Variants in WDTC1 observed in about 807,000 individuals in gnomAD.
The protein encoded by WDTC1 is WD and tetratricopeptide repeats protein 1.
In WDTC1, 12 loss-of-function variants were observed where a neutral mutation model predicts 76.0. The observed-to-expected ratio is 0.16, with a 90% CI of 0.10 to 0.26. WDTC1 has a LOEUF of 0.26. Among genes scored for constraint, WDTC1 ranks in the 10% least tolerant of loss-of-function variants. WDTC1 has a pLI of 1.00. For missense variants in WDTC1, 511 were observed against 908.8 expected (o/e 0.56, Z 5.63); for synonymous variants, 326 against 350.8 (o/e 0.93, Z 0.79).
chr1:27,254,845 T>G (rs779457983), intron 1 of WDTC1, among the ~76,000 whole-genome samples: 11 of 152,114 alleles, frequency 7.2e-5, no homozygotes, highest in Non-Finnish European at 1.3e-4. Flanking sequence ...CATGTTGGCC[T>G]TGAACTCCTG....
chr1:27,238,300 G>A (rs1044156692), intron 1 of WDTC1, among the ~76,000 whole-genome samples: 1 of 152,180 alleles, frequency 6.6e-6, no homozygotes, highest in Non-Finnish European at 1.5e-5. Flanking sequence ...TTGTCATGGG[G>A]AAAGGAAACT....
chr1:27,234,779 C>G lies in WDTC1; in HGVS notation c.-272C>G, dbSNP rs1456604539. ...CGCAGGGGCGGGCGGAGGCGCTGTC[C>G]GGCCCCGGCCAGGCGCCGGGCGGGG... On this transcript the variant is annotated 5_prime_UTR_variant, in exon 1 of 16. Coordinates refer to ENST00000319394, the MANE Select transcript of WDTC1 (RefSeq NM_001276252.2). 2.5e-6 allele frequency: 1 copy of G among 398,000 alleles called. No individual in the cohort carries two copies. Among genetic ancestry groups the G allele is most frequent in the Non-Finnish European group, 4.4e-6 (1 of 226,024 alleles). 24.7% of individuals were successfully genotyped at this position (398,000 alleles called of 1,614,324 possible).
intron 1 of WDTC1, among the ~76,000 whole-genome samples, chr1:27,248,735 C>T (rs1293804279): frequency 4.6e-5 from 7 of 152,174 alleles, no homozygotes; most frequent in Admixed American, 4.6e-4. Context: ...TCTTGGCTCA[C>T]TGTAGCCGAA....
chr1:27,303,820 G>A lies in WDTC1; in HGVS notation c.1643+25G>A, dbSNP rs369086282. Reference sequence around the variant, plus strand: ...GGTCCGAGGCCCTGAAGAGGAGGGTGCAGCCCAGTTGGCAGCGGGAGGTTG... The same window carrying A: ...GGTCCGAGGCCCTGAAGAGGAGGGTACAGCCCAGTTGGCAGCGGGAGGTTG... On this transcript the variant is annotated intron_variant, in intron 14 of 15. Transcript: ENST00000319394. The surrounding 1 kb of genome is among the most constrained non-coding windows in gnomAD (Gnocchi z 4.8). The A allele has an allele frequency of 6.6e-5, 107 of 1,612,066 alleles. No homozygotes were observed. Among genetic ancestry groups the A allele is most frequent in the Admixed American group, 8.4e-5 (5 of 59,464 alleles).
intron 3 of WDTC1, among the ~76,000 whole-genome samples, chr1:27,273,184 T>C (rs1277569554): frequency 6.7e-6 from 1 of 149,198 alleles, no homozygotes; most frequent in Non-Finnish European, 1.5e-5. Context: ...AAACAGAAAA[T>C]GACTAATTTT....
At position 27,294,620 on chromosome 1, in the gene WDTC1, G is replaced by C. The variant is rs1486035430; in HGVS notation, c.864G>C (p.Gly288=). The C allele has an allele frequency of 1.9e-6, 3 of 1,613,922 alleles. No homozygotes were observed. Among genetic ancestry groups the C allele is most frequent in the Admixed American group, 1.7e-5 (1 of 60,008 alleles). The change falls in exon 9 of 16, where the codon GGG becomes GGC. Residue 288 remains glycine (G), a synonymous_variant. Transcript: ENST00000319394. ...GCACAGAGCTACTAGTCAACATGGG[G>C]GGGGAACAGGTATGTACAGCATAAG... ...PNGTELLVNM[G]GEQVYLFDLT...
At chr1:27,282,846 T>C (rs551548028) in intron 4 of WDTC1, among the ~76,000 whole-genome samples, 4 of 151,650 alleles carry the variant, frequency 2.6e-5, no homozygotes, top group African/African-American at 9.7e-5. Flanking sequence ...TTAAGAATGA[T>C]AGAAATTTCT....
At chr1:27,258,551 AG>A (rs2012365489) in intron 1 of WDTC1, among the ~76,000 whole-genome samples, 3 of 151,858 alleles carry the variant, frequency 2.0e-5, no homozygotes, top group South Asian at 4.2e-4. Flanking sequence ...AGAAAAAAAA[AG>A]AAAAGAAAGG....
Position 27,306,549 on chromosome 1 carries a change from T to C in WDTC1, c.*166T>C. ...AGGGGTGGAGGTTGCTACAACTTGC[T>C]GGCTTTCGGACTCTGGGCTGATTGT... is the stretch of plus-strand genomic sequence containing the variant. On this transcript the variant is annotated 3_prime_UTR_variant, in exon 16 of 16. Transcript: ENST00000319394. The surrounding 1 kb of genome is among the most constrained non-coding windows in gnomAD (Gnocchi z 5.0). 3.5e-6 allele frequency: 3 copies of C among 861,308 alleles called. No homozygotes were observed. The highest frequency in any genetic ancestry group is 1.8e-5 in the South Asian group (1 of 55,472). The allele number at this position is 861,308 out of a possible 1,614,324, so 53.4% of individuals were successfully genotyped here.
intron 1 of WDTC1, among the ~76,000 whole-genome samples, chr1:27,259,322 AC>A (rs1182921741): frequency 2.3e-5 from 3 of 129,832 alleles, no homozygotes; most frequent in Non-Finnish European, 3.2e-5. Flanking sequence ...ACCATGCCCA[AC>A]TTTTTTTTTT....
intron 6 of WDTC1, among the ~76,000 whole-genome samples, chr1:27,290,201 C>A (rs1473137892): frequency 1.3e-5 from 2 of 152,126 alleles, no homozygotes; most frequent in African/African-American, 2.4e-5. Context: ...CCCACCTCAG[C>A]CTCCTGAATA....
intron 1 of WDTC1, among the ~76,000 whole-genome samples, chr1:27,239,779 C>G (rs1034046474): frequency 6.9e-6 from 1 of 144,322 alleles, no homozygotes; most frequent in Non-Finnish European, 1.5e-5. Context: ...CGTGTGCACT[C>G]CAGCCTGGGG....
At chr1:27,266,735 A>G (rs1024728805) in intron 3 of WDTC1, among the ~76,000 whole-genome samples, 20 of 152,180 alleles carry the variant, frequency 1.3e-4, no homozygotes, top group African/African-American at 3.6e-4. Flanking sequence ...TTAGTCAATA[A>G]TAGTTTATCT....
chr1:27,287,953 G>A, intron 6 of WDTC1, 92 bp downstream of exon 6: 4 of 1,458,620 alleles, frequency 2.7e-6, no homozygotes, highest in Non-Finnish European at 3.7e-6. Flanking sequence ...TTTCCCTCCA[G>A]CAGAGGTCCA....
At chr1:27,292,906 C>T (rs1257856383) in intron 7 of WDTC1, among the ~76,000 whole-genome samples, 1 of 150,570 alleles carries the variant, frequency 6.6e-6, no homozygotes, top group Non-Finnish European at 1.5e-5. Context: ...CACCTGCCAC[C>T]ACACCTGGCT....
At chr1:27,289,971 C>T (rs563696536) in intron 6 of WDTC1, among the ~76,000 whole-genome samples, 10 of 148,708 alleles carry the variant, frequency 6.7e-5, no homozygotes, top group African/African-American at 2.5e-4. Context: ...AGAGAGAGAC[C>T]GTGGAAAGAG....
At chr1:27,238,515 C>T (rs929050636) in intron 1 of WDTC1, among the ~76,000 whole-genome samples, 2 of 151,878 alleles carry the variant, frequency 1.3e-5, no homozygotes, top group East Asian at 1.9e-4. Flanking sequence ...AGTCTTACTT[C>T]GTCATCCAGG....
intron 3 of WDTC1, among the ~76,000 whole-genome samples, chr1:27,278,448 C>A (rs1003077800): frequency 3.9e-5 from 6 of 152,186 alleles, no homozygotes; most frequent in Non-Finnish European, 7.3e-5. Context: ...TGAATGCCTA[C>A]TATATGACAG....
In WDTC1 at chr1:27,287,685, C is replaced by T. The variant is rs202159478; in HGVS notation, c.303C>T (p.His101=). Residue 101 remains histidine (H), a synonymous_variant, in exon 6 of 16, where the codon CAC becomes CAT. Transcript: ENST00000319394. ...TTTCTCCTATATAGTTCCTGCCTCA[C>T]GCTGGGGACCGCATCTTGATCACGG... The part of the protein sequence containing the change: ...ANIFSVKFLP[H]AGDRILITGA... 1.1e-5 allele frequency: 18 copies of T among 1,613,670 alleles called. No homozygotes were observed. The highest frequency in any genetic ancestry group is 2.2e-5 in the South Asian group (2 of 90,942).
Sources: gnomAD v4.1 joint callset for allele counts (sites outside exome capture counted in the v4.1 genomes callset) on GRCh38, gnomAD v4.1.1 for gene constraint, Gnocchi (gnomAD v3.1) non-coding constraint, MANE v1.5 for transcripts, NCBI Gene and HGNC (gene_info 2026-07-23, HGNC 2026-07-21) for gene names.